Variants in ATP10B observed in about 807,000 individuals in gnomAD.
ATP10B encodes the protein phospholipid-transporting ATPase VB.
In ATP10B, 122 loss-of-function variants were observed where a neutral mutation model predicts 141.2. The observed-to-expected ratio is 0.86, with a 90% CI of 0.75 to 1.00. The LOEUF is 1.00. ATP10B is among the 50% of genes least tolerant of loss of function. The pLI is 0.00. For missense variants in ATP10B, 1,876 were observed against 1,825.3 expected, an observed-to-expected ratio of 1.03 and a Z score of -0.51; for synonymous variants, 685 against 692.0, an observed-to-expected ratio of 0.99 and a Z score of 0.16.
intron 2 of ATP10B, among the ~76,000 whole-genome samples, chr5:160,772,286 A>G (rs1022599255): frequency 6.6e-6 from 1 of 152,052 alleles, no homozygotes; most frequent in Non-Finnish European, 1.5e-5. Context: ...TCTTAATACT[A>G]CCCTCAGATG....
intron 7 of ATP10B, among the ~76,000 whole-genome samples, chr5:160,658,524 C>T (rs1325664173): frequency 6.6e-6 from 1 of 152,132 alleles, no homozygotes; most frequent in Admixed American, 6.5e-5. Flanking sequence ...CCCCACAGAC[C>T]AATTTCAAAC....
At chr5:160,687,655 T>C in intron 5 of ATP10B, 145 bp downstream of exon 5, 1 of 960,128 alleles carries the variant, frequency 1.0e-6, no homozygotes, top group South Asian at 1.7e-5. Flanking sequence ...GTCCCAGCTA[T>C]TTGGGAGGCT....
the ATP10B span, among the ~76,000 whole-genome samples, chr5:160,908,749 A>G: frequency 6.6e-6 from 1 of 152,166 alleles, no homozygotes; most frequent in African/African-American, 2.4e-5. Flanking sequence ...CATCATGATA[A>G]TGATTTTGCT....
At chr5:160,879,816 C>T in the ATP10B span, among the ~76,000 whole-genome samples, 66 of 152,068 alleles carry the variant, frequency 4.3e-4, no homozygotes, top group Middle Eastern at 3.4e-3. Context: ...CCAGCCTGGG[C>T]GACAGAGCAA....
chr5:160,797,291 C>T (rs576202919), intron 1 of ATP10B, among the ~76,000 whole-genome samples: 7 of 152,272 alleles, frequency 4.6e-5, no homozygotes, highest in East Asian at 1.9e-4. Context: ...GCATGCACAA[C>T]GAATTACTCT....
At chr5:160,609,071 C>T (rs927219997) in intron 18 of ATP10B, among the ~76,000 whole-genome samples, 1 of 152,142 alleles carries the variant, frequency 6.6e-6, no homozygotes, top group Non-Finnish European at 1.5e-5. Flanking sequence ...TTAGGTCTAA[C>T]ATTTAAGTCT....
chr5:160,794,747 A>T (rs116209382), intron 1 of ATP10B, among the ~76,000 whole-genome samples: 1 of 152,184 alleles, frequency 6.6e-6, no homozygotes, highest in Non-Finnish European at 1.5e-5. Flanking sequence ...TCTTTGCCCA[A>T]TGGATTCCTT....
At chr5:160,865,287 G>A in the ATP10B span, among the ~76,000 whole-genome samples, 1 of 151,978 alleles carries the variant, frequency 6.6e-6, no homozygotes, top group Non-Finnish European at 1.5e-5. Context: ...ACAACCAGCT[G>A]GTCTTTGACA....
intron 2 of ATP10B, among the ~76,000 whole-genome samples, chr5:160,745,618 G>T (rs1453307816): frequency 6.6e-6 from 1 of 152,242 alleles, no homozygotes; most frequent in African/African-American, 2.4e-5. Flanking sequence ...TCTCAGAAAA[G>T]CATCAGAAAC....
At chr5:160,789,096 C>T (rs143693708) in intron 1 of ATP10B, among the ~76,000 whole-genome samples, 2 of 152,250 alleles carry the variant, frequency 1.3e-5, no homozygotes, top group African/African-American at 4.8e-5. Flanking sequence ...CATGAGTGCA[C>T]ACACCTCATG....
chr5:160,604,118 C>T (rs1757247838), intron 19 of ATP10B, 77 bp from the exon 20 acceptor site: 1 of 1,006,800 alleles, frequency 9.9e-7, no homozygotes, highest in African/African-American at 1.6e-5. Context: ...AAAGTGTCCC[C>T]AGTTACATAC....
chr5:160,815,782 T>A (rs1321006656), intron 1 of ATP10B, among the ~76,000 whole-genome samples: 1 of 152,118 alleles, frequency 6.6e-6, no homozygotes, highest in African/African-American at 2.4e-5. Context: ...CCTCAGCAAA[T>A]GTAAAAGAAC....
At chr5:160,749,088 T>A (rs2915804) in intron 2 of ATP10B, among the ~76,000 whole-genome samples, 74,070 of 152,026 alleles carry the variant, frequency 0.49, 18,373 homozygotes, top group East Asian at 0.59. Context: ...TCCAAATCCA[T>A]GTTCTTTCTG....
At chr5:160,753,239 C>T (rs947278514) in intron 2 of ATP10B, among the ~76,000 whole-genome samples, 9 of 152,190 alleles carry the variant, frequency 5.9e-5, no homozygotes, top group South Asian at 2.1e-4. Context: ...TTCTAAGATA[C>T]ATACATACCA....
chr5:160,926,707 G>T, the ATP10B span, among the ~76,000 whole-genome samples: 1 of 152,244 alleles, frequency 6.6e-6, no homozygotes, highest in Non-Finnish European at 1.5e-5. Context: ...CACTAGGCTG[G>T]ATTCAAATAC....
chr5:160,670,140 G>C (rs1762585194), intron 7 of ATP10B, among the ~76,000 whole-genome samples: 1 of 152,122 alleles, frequency 6.6e-6, no homozygotes. Context: ...TGGTCCTAGT[G>C]ATGATGGAAC....
chr5:160,598,793 A>G lies in ATP10B; in HGVS notation c.3541T>C (p.Tyr1181His). ...AETLLALPELYKSGQNSECYN... is the reference protein window; with the variant it reads ...AETLLALPELHKSGQNSECYN... ...ACCTCAGAGTTCTGGCCACTCTTGT[A>G]TAGCTCAGGCAATGCCAGGAGTGTT... The change falls in exon 22 of 26, where the codon TAC (tyrosine) becomes CAC (histidine). Residue 1181 changes from tyrosine (Y) to histidine (H), a missense_variant. Coordinates refer to ENST00000327245, the MANE Select transcript of ATP10B (RefSeq NM_025153.3). 6 of 1,614,138 alleles carry G rather than the reference A, an allele frequency of 3.7e-6. No homozygotes were observed. Among genetic ancestry groups the G allele is most frequent in the Non-Finnish European group, 5.1e-6 (6 of 1,179,980 alleles).
At chr5:160,917,984 C>T in the ATP10B span, among the ~76,000 whole-genome samples, 1 of 152,162 alleles carries the variant, frequency 6.6e-6, no homozygotes, top group Non-Finnish European at 1.5e-5. Flanking sequence ...TAAAGGGCTG[C>T]TCAAGGTTTA....
At chr5:160,689,882 A>G (rs1039326612) in intron 3 of ATP10B, among the ~76,000 whole-genome samples, 8 of 152,144 alleles carry the variant, frequency 5.3e-5, no homozygotes, top group African/African-American at 1.9e-4. Flanking sequence ...TAACCAAAAA[A>G]GAGCCCATAT....
Sources: allele counts gnomAD v4.1 joint callset (sites outside exome capture counted in the v4.1 genomes callset), GRCh38; gene constraint gnomAD v4.1.1; transcripts MANE v1.5; gene names NCBI Gene and HGNC (gene_info 2026-07-23, HGNC 2026-07-21).